GRM7: variants seen among roughly 807,000 people sequenced by gnomAD.
GRM7 encodes the protein metabotropic glutamate receptor 7.
A neutral mutation model predicts 84.5 loss-of-function variants in GRM7; 35 were observed. The ratio of observed to expected loss-of-function variants is 0.41; its 90% CI spans 0.32 to 0.55. The LOEUF (loss-of-function observed/expected upper bound fraction) is 0.55. Among genes scored for constraint, GRM7 ranks in the 20% least tolerant of loss-of-function variants. The pLI is 0.19. For synonymous variants in GRM7, 487 were observed against 455.1 expected, an observed-to-expected ratio of 1.07 and a Z score of -0.89; for missense variants, 1,003 against 1,194.6, an observed-to-expected ratio of 0.84 and a Z score of 2.36.
intron 4 of GRM7, among the ~76,000 whole-genome samples, chr3:7,356,873 C>T (rs2125098761): frequency 6.6e-6 from 1 of 151,136 alleles, no homozygotes; most frequent in East Asian, 2.0e-4. Context: ...TGGCTTCTCT[C>T]ATCCTCCAGC....
chr3:7,475,339 G>A (rs557509782), intron 7 of GRM7, among the ~76,000 whole-genome samples: 121 of 152,308 alleles, frequency 7.9e-4, no homozygotes, highest in African/African-American at 2.5e-3. Context: ...ACATTGATGG[G>A]TATGCATTGG....
intron 4 of GRM7, among the ~76,000 whole-genome samples, chr3:7,406,073 C>G (rs1212463402): frequency 1.3e-5 from 2 of 151,960 alleles, no homozygotes; most frequent in Non-Finnish European, 2.9e-5. Flanking sequence ...CTTCTGAATA[C>G]TTTCTGTAGT....
chr3:7,409,153 C>T (rs530963589), intron 4 of GRM7, among the ~76,000 whole-genome samples: 2 of 152,256 alleles, frequency 1.3e-5, no homozygotes, highest in Admixed American at 1.3e-4. Flanking sequence ...AGCTTGCTCT[C>T]GTTTTTTTCA....
At chr3:6,945,152 G>A (rs2125061368) in intron 1 of GRM7, among the ~76,000 whole-genome samples, 1 of 152,030 alleles carries the variant, frequency 6.6e-6, no homozygotes, top group Middle Eastern at 3.4e-3. Context: ...ATGTTGGTGT[G>A]ATGCACCCAT....
intron 4 of GRM7, among the ~76,000 whole-genome samples, chr3:7,391,458 G>T (rs1326658435): frequency 6.6e-6 from 1 of 152,042 alleles, no homozygotes; most frequent in Non-Finnish European, 1.5e-5. Context: ...CTATCACAAG[G>T]ACAGAAAACC....
At chr3:7,706,470 T>C (rs963679505) in intron 9 of GRM7, among the ~76,000 whole-genome samples, 3 of 152,116 alleles carry the variant, frequency 2.0e-5, no homozygotes, top group African/African-American at 7.2e-5. Flanking sequence ...GAAACTACCC[T>C]AAGTTTTGGT....
At chr3:7,117,188 A>G (rs1468347772) in intron 1 of GRM7, among the ~76,000 whole-genome samples, 5 of 152,188 alleles carry the variant, frequency 3.3e-5, no homozygotes, top group African/African-American at 1.2e-4. Flanking sequence ...GAAAAGAGCC[A>G]GGCCGTTTAA....
intron 2 of GRM7, among the ~76,000 whole-genome samples, chr3:7,178,945 A>AC (rs1695246545): frequency 4.8e-5 from 1 of 20,640 alleles, no homozygotes. Flanking sequence ...AAAAAAATAC[A>AC]AAAAAAAAAT....
At chr3:6,919,033 G>A (rs1293235961) in intron 1 of GRM7, among the ~76,000 whole-genome samples, 4 of 152,140 alleles carry the variant, frequency 2.6e-5, no homozygotes, top group African/African-American at 7.2e-5. Context: ...AGTGATCACA[G>A]CACTCTAATT....
chr3:7,428,011 T>A (rs1696681190), intron 5 of GRM7, among the ~76,000 whole-genome samples: 2 of 152,164 alleles, frequency 1.3e-5, no homozygotes, highest in African/African-American at 4.8e-5. Context: ...GGGAAAATGA[T>A]GTGCAAAACA....
At chr3:7,496,366 T>C (rs887066424) in intron 7 of GRM7, among the ~76,000 whole-genome samples, 1 of 152,154 alleles carries the variant, frequency 6.6e-6, no homozygotes, top group African/African-American at 2.4e-5. Flanking sequence ...AATTGTAATC[T>C]TATCATCAGA....
At chr3:7,207,360 A>G (rs1696274770) in intron 2 of GRM7, among the ~76,000 whole-genome samples, 1 of 152,144 alleles carries the variant, frequency 6.6e-6, no homozygotes, top group Non-Finnish European at 1.5e-5. Context: ...GCCTCTCAAA[A>G]ATGACTGAGC....
intron 8 of GRM7, among the ~76,000 whole-genome samples, chr3:7,663,752 G>C (rs544221376): frequency 1.3e-5 from 2 of 152,280 alleles, no homozygotes; most frequent in South Asian, 4.1e-4. Context: ...ACTTGAGAAA[G>C]AAGACATATG....
intron 9 of GRM7, among the ~76,000 whole-genome samples, chr3:7,734,746 T>C (rs1223085845): frequency 6.6e-6 from 1 of 152,236 alleles, no homozygotes; most frequent in East Asian, 1.9e-4. Flanking sequence ...ACTGGTATAA[T>C]TGGGAATGTC....
chr3:7,008,362 T>C (rs546830028), intron 1 of GRM7, among the ~76,000 whole-genome samples: 40 of 152,324 alleles, frequency 2.6e-4, no homozygotes, highest in Admixed American at 7.8e-4. Context: ...AGGAAATTAT[T>C]TGGCATTCAA....
intron 5 of GRM7, among the ~76,000 whole-genome samples, chr3:7,416,702 A>G (rs758886857): frequency 6.6e-6 from 1 of 152,184 alleles, no homozygotes; most frequent in South Asian, 2.1e-4. Flanking sequence ...CGGATTCACC[A>G]CATTCTCCAG....
At chr3:7,435,601 C>T (rs555876822) in intron 5 of GRM7, among the ~76,000 whole-genome samples, 1 of 152,016 alleles carries the variant, frequency 6.6e-6, no homozygotes, top group East Asian at 1.9e-4. Flanking sequence ...CAACCTCAGC[C>T]TCCCGGCTCC....
At chr3:6,873,415 G>A (rs966649085) in intron 1 of GRM7, among the ~76,000 whole-genome samples, 2 of 152,116 alleles carry the variant, frequency 1.3e-5, no homozygotes, top group Admixed American at 6.5e-5. Context: ...TAGCATAGTG[G>A]TTAAGAGTAC....
At chr3:7,277,197 C>A (rs1699104351) in intron 2 of GRM7, among the ~76,000 whole-genome samples, 1 of 151,960 alleles carries the variant, frequency 6.6e-6, no homozygotes, top group African/African-American at 2.4e-5. Flanking sequence ...AAGACTTTAT[C>A]CTTTCACACT....
Sources: allele counts gnomAD v4.1 joint callset (sites outside exome capture counted in the v4.1 genomes callset), GRCh38; gene constraint gnomAD v4.1.1; transcripts MANE v1.5; gene names NCBI Gene and HGNC (gene_info 2026-07-23, HGNC 2026-07-21).